HTR1E: variants seen among roughly 807,000 people sequenced by gnomAD.
HTR1E encodes the protein 5-hydroxytryptamine receptor 1E.
A neutral mutation model predicts 3.4 loss-of-function variants in HTR1E; 3 were observed. The ratio of observed to expected loss-of-function variants is 0.89; its 90% CI spans 0.41 to 2.31. The LOEUF (loss-of-function observed/expected upper bound fraction) is 2.31, where lower values mean the gene tolerates loss of function less well. Ranked by LOEUF, HTR1E falls within the 30% of genes most tolerant of loss-of-function variation. The pLI is 0.05. For missense variants in HTR1E, 392 were observed against 467.0 expected, an observed-to-expected ratio of 0.84 and a Z score of 1.48; for synonymous variants, 170 against 182.8, an observed-to-expected ratio of 0.93 and a Z score of 0.56.
intron 1 of HTR1E, among the ~76,000 whole-genome samples, chr6:87,007,816 C>G (rs984280929): frequency 2.0e-5 from 3 of 151,994 alleles, no homozygotes; most frequent in Non-Finnish European, 4.4e-5. Flanking sequence ...TGTCTGTGGT[C>G]CCAGCTGCTC....
chr6:86,951,390 A>G (rs1357101877), intron 1 of HTR1E, among the ~76,000 whole-genome samples: 4 of 152,344 alleles, frequency 2.6e-5, no homozygotes, highest in Middle Eastern at 3.4e-3. Context: ...CCTAGATTCC[A>G]AAGTAAGAAA....
chr6:86,966,702 T>C (rs1312912281), intron 1 of HTR1E, among the ~76,000 whole-genome samples: 1 of 151,934 alleles, frequency 6.6e-6, no homozygotes, highest in Admixed American at 6.6e-5. Context: ...AGAAAAGAGG[T>C]GATGCTCAGT....
At chr6:86,950,155 G>C (rs1767212287) in intron 1 of HTR1E, among the ~76,000 whole-genome samples, 3 of 152,158 alleles carry the variant, frequency 2.0e-5, no homozygotes, top group African/African-American at 7.2e-5. Context: ...TAAATATTAA[G>C]AGTCAGGTTA....
intron 1 of HTR1E, among the ~76,000 whole-genome samples, chr6:86,951,231 C>T (rs983165199): frequency 1.3e-5 from 2 of 152,076 alleles, no homozygotes; most frequent in Non-Finnish European, 2.9e-5. Flanking sequence ...ACTGTTTTGG[C>T]GGGATGCATT....
intron 1 of HTR1E, among the ~76,000 whole-genome samples, chr6:86,945,155 AC>A (rs1768598035): frequency 6.6e-6 from 1 of 152,204 alleles, no homozygotes. Context: ...GGACCTTCCA[AC>A]GGACAGGATG....
chr6:86,955,848 G>C (rs1398542476), intron 1 of HTR1E, among the ~76,000 whole-genome samples: 1 of 152,052 alleles, frequency 6.6e-6, no homozygotes, highest in African/African-American at 2.4e-5. Flanking sequence ...ACTTGTTGCT[G>C]CAACATCTCA....
intron 1 of HTR1E, among the ~76,000 whole-genome samples, chr6:86,972,007 G>A (rs1006537510): frequency 6.6e-6 from 1 of 152,142 alleles, no homozygotes; most frequent in Non-Finnish European, 1.5e-5. Context: ...AGGGGTGAAT[G>A]TCAACTGAAT....
chr6:86,988,881 G>A (rs1021434367), intron 1 of HTR1E, among the ~76,000 whole-genome samples: 1 of 152,160 alleles, frequency 6.6e-6, no homozygotes, highest in Non-Finnish European at 1.5e-5. Context: ...GAGCCAAGTT[G>A]AGGTGTAAGT....
rs7755270 is a variant in HTR1E, at chr6:86,940,616, C to G, written c.-186+2793C>G. ...AGGCCCTGAACTTTTGTGTCATCTT[C>G]TCATTACTCAAGTCTAATTCCCTAC... is the stretch of plus-strand genomic sequence containing the variant. On this transcript the variant is annotated intron_variant, in intron 1 of 1. Transcript: ENST00000305344. Among the ~76,000 whole-genome samples the G allele has an allele frequency of 6.7e-3, 1,018 of 152,298 alleles. 12 individuals are homozygous for G. The highest frequency in any genetic ancestry group is 0.022 in the African/African-American group (927 of 41,572).
At chr6:87,011,050 A>T (rs1344117263) in intron 1 of HTR1E, among the ~76,000 whole-genome samples, 1 of 152,202 alleles carries the variant, frequency 6.6e-6, no homozygotes, top group Non-Finnish European at 1.5e-5. Context: ...TAAGATGCTT[A>T]AACTTTTAAT....
At chr6:87,003,897 CA>C (rs1222320608) in intron 1 of HTR1E, among the ~76,000 whole-genome samples, 24 of 151,900 alleles carry the variant, frequency 1.6e-4, no homozygotes, top group Admixed American at 1.6e-3. Flanking sequence ...AGAGAAGATC[CA>C]AATAACATCA....
At chr6:87,008,188 GA>G in intron 1 of HTR1E, among the ~76,000 whole-genome samples, 1 of 152,052 alleles carries the variant, frequency 6.6e-6, no homozygotes, top group East Asian at 1.9e-4. Flanking sequence ...AATAAAAAAA[GA>G]AAAAGAGAAT....
At chr6:86,960,856 C>T (rs1245979265) in intron 1 of HTR1E, among the ~76,000 whole-genome samples, 1 of 152,172 alleles carries the variant, frequency 6.6e-6, no homozygotes, top group African/African-American at 2.4e-5. Context: ...TGTGTTAGCA[C>T]CCTTGTGCTT....
At chr6:86,998,341 G>C (rs905703730) in intron 1 of HTR1E, among the ~76,000 whole-genome samples, 1 of 151,954 alleles carries the variant, frequency 6.6e-6, no homozygotes, top group Admixed American at 6.6e-5. Context: ...CATAAAATAA[G>C]TCTCAGCAAA....
At chr6:86,958,260 G>C (rs1317084107) in intron 1 of HTR1E, among the ~76,000 whole-genome samples, 2 of 151,946 alleles carry the variant, frequency 1.3e-5, no homozygotes, top group Non-Finnish European at 2.9e-5. Context: ...AGGTTTCACT[G>C]TGTTAGCCAG....
rs377555508 is a variant in HTR1E at position 87,016,029 on chromosome 6, C to A, written c.695C>A (p.Ser232Tyr). The A allele has an allele frequency of 4.3e-6, 7 of 1,614,104 alleles. No homozygotes were observed. Among genetic ancestry groups the A allele is most frequent in the Non-Finnish European group, 5.9e-6 (7 of 1,180,050 alleles). ...LSNRSTDSQN[S>Y]FASCKLTQTF... Reference sequence around the variant, plus strand: ...AACAGAAGCACAGATAGCCAGAATTCTTTTGCAAGTTGTAAACTTACACAG... The same window carrying A: ...AACAGAAGCACAGATAGCCAGAATTATTTTGCAAGTTGTAAACTTACACAG... The change falls in exon 2 of 2, where the codon TCT (serine) becomes TAT (tyrosine). Residue 232 changes from serine to tyrosine, a missense_variant. Around this residue, in one of 3 missense-constraint regions of HTR1E, gnomAD observed 178 missense variants for 164.9 expected, o/e 1.08. Coordinates refer to ENST00000305344, the MANE Select transcript of HTR1E (RefSeq NM_000865.3).
chr6:86,999,076 C>G (rs1020484108), intron 1 of HTR1E, among the ~76,000 whole-genome samples: 4 of 152,156 alleles, frequency 2.6e-5, no homozygotes, highest in Non-Finnish European at 5.9e-5. Flanking sequence ...TCTCATACCT[C>G]AGCCTCCCGA....
At chr6:86,999,198 G>A (rs1767984531) in intron 1 of HTR1E, among the ~76,000 whole-genome samples, 1 of 152,118 alleles carries the variant, frequency 6.6e-6, no homozygotes, top group Non-Finnish European at 1.5e-5. Context: ...CTGGCTTCAA[G>A]TGATCTGCCC....
intron 1 of HTR1E, among the ~76,000 whole-genome samples, chr6:87,004,509 A>G (rs1768074311): frequency 6.6e-6 from 1 of 152,220 alleles, no homozygotes; most frequent in Non-Finnish European, 1.5e-5. Context: ...TGGTCACTTC[A>G]GTTGATGCTG....
Sources: allele counts gnomAD v4.1 joint callset (sites outside exome capture counted in the v4.1 genomes callset), GRCh38; gene constraint gnomAD v4.1.1; regional missense constraint gnomAD v4.1.1; transcripts MANE v1.5; gene names NCBI Gene and HGNC (gene_info 2026-07-23, HGNC 2026-07-21).